The following KATNBL1 variants were observed in gnomAD, a reference collection of about 807,000 sequenced individuals.
The protein encoded by KATNBL1 is katanin regulatory subunit B1 like 1.
A neutral mutation model predicts 44.7 loss-of-function variants in KATNBL1; 28 were observed. The ratio of observed to expected loss-of-function variants is 0.63; its 90% confidence interval spans 0.46 to 0.86. The LOEUF (loss-of-function observed/expected upper bound fraction) is 0.86, where lower values mean the gene tolerates loss of function less well. Among genes scored for constraint, KATNBL1 ranks in the 40% least tolerant of loss-of-function variants. KATNBL1 has a pLI of 0.00. For synonymous variants in KATNBL1, 78 were observed against 114.9 expected (o/e 0.68, Z 2.06); for missense variants, 272 against 350.7 (o/e 0.78, Z 1.79).
At chr15:34,187,525 C>A (rs1889750394) in intron 1 of KATNBL1, among the ~76,000 whole-genome samples, 1 of 152,308 alleles carries the variant, frequency 6.6e-6, no homozygotes, top group South Asian at 2.1e-4. Flanking sequence ...AAAGGTTAAT[C>A]TAATACTATA....
chr15:34,152,689 T>C (rs1300822236), intron 4 of KATNBL1, 101 bp downstream of exon 4: 1 of 932,862 alleles, frequency 1.1e-6, no homozygotes, highest in East Asian at 2.5e-5. Context: ...CTACATTCAA[T>C]AGGTGACAAA....
At chr15:34,207,729 T>G (rs1186506715) in intron 1 of KATNBL1, among the ~76,000 whole-genome samples, 1 of 152,168 alleles carries the variant, frequency 6.6e-6, no homozygotes, top group Non-Finnish European at 1.5e-5. Context: ...GCCTCCCAAG[T>G]AGCTGGGACT....
intron 1 of KATNBL1, among the ~76,000 whole-genome samples, chr15:34,205,532 G>A (rs1387123178): frequency 2.0e-5 from 3 of 152,076 alleles, no homozygotes; most frequent in Non-Finnish European, 2.9e-5. Context: ...GAGTAAGAGG[G>A]GCAGCCAGGG....
chr15:34,142,434 ATT>A, intron 9 of KATNBL1, 63 bp from the exon 10 acceptor site: 5 of 1,460,340 alleles, frequency 3.4e-6, no homozygotes, highest in Admixed American at 4.9e-5. Flanking sequence ...TAAACAATCC[ATT>A]TTTTTTTGTT....
intron 1 of KATNBL1, among the ~76,000 whole-genome samples, chr15:34,200,433 T>G (rs1017757354): frequency 6.8e-6 from 1 of 147,594 alleles, no homozygotes; most frequent in Non-Finnish European, 1.5e-5. Context: ...TTTTTTTTTT[T>G]TGTATTTTTA....
intron 1 of KATNBL1, among the ~76,000 whole-genome samples, chr15:34,164,311 T>A (rs1888899603): frequency 6.6e-6 from 1 of 152,202 alleles, no homozygotes; most frequent in Non-Finnish European, 1.5e-5. Flanking sequence ...AACACACAGG[T>A]TATGAAATAA....
chr15:34,171,510 T>C (rs1004101235), intron 1 of KATNBL1, among the ~76,000 whole-genome samples: 1 of 152,182 alleles, frequency 6.6e-6, no homozygotes, highest in African/African-American at 2.4e-5. Flanking sequence ...GGTTCAACCA[T>C]TGTGGAAGAC....
rs1888379848 is a variant in KATNBL1 at position 34,148,633 on chromosome 15, T to C, written c.556A>G (p.Arg186Gly). 5 of 1,511,072 alleles carry C rather than the reference T, an allele frequency of 3.3e-6. No individual in the cohort carries two copies. The highest frequency in any genetic ancestry group is 3.7e-6 in the Non-Finnish European group (4 of 1,087,540). 93.6% of individuals were successfully genotyped at this position (1,511,072 alleles called of 1,614,324 possible). A position where few individuals can be genotyped will look rare whatever the true frequency, so the allele number is the denominator to read the frequency against. ...AAGAGGATAAAAGGTCACACTTACC[T>C]CAACAAATAAGCTACAAGTTCACTT... Reference protein sequence around the residue: ...SISELVAYLLRIEDLGVVVDC... With the variant: ...SISELVAYLLGIEDLGVVVDC... Residue 186 changes from arginine (R) to glycine (G), a missense_variant and splice_region_variant, in exon 5 of 10, where the codon AGG becomes GGG. Arg to Gly is a moderately radical substitution (Grantham distance 125). Transcript: ENST00000256544.
intron 1 of KATNBL1, among the ~76,000 whole-genome samples, chr15:34,180,300 A>G (rs1214528297): frequency 6.6e-6 from 1 of 151,224 alleles, no homozygotes; most frequent in East Asian, 1.9e-4. Context: ...AATTAAACCT[A>G]TATAGGAGCC....
chr15:34,177,331 T>C (rs1026271980), intron 1 of KATNBL1, among the ~76,000 whole-genome samples: 2 of 152,254 alleles, frequency 1.3e-5, no homozygotes, highest in South Asian at 2.1e-4. Flanking sequence ...TCTACTACAA[T>C]GGCTGCCAAA....
intron 3 of KATNBL1, among the ~76,000 whole-genome samples, chr15:34,154,157 T>C (rs1260638792): frequency 6.6e-6 from 1 of 152,240 alleles, no homozygotes; most frequent in African/African-American, 2.4e-5. Context: ...TGAAAAATTA[T>C]ATTGTACCCT....
chr15:34,173,401 GACAGAT>G (rs1889231025), intron 1 of KATNBL1, among the ~76,000 whole-genome samples: 1 of 152,102 alleles, frequency 6.6e-6, no homozygotes, highest in Non-Finnish European at 1.5e-5. Context: ...ATGTAAAAAT[GACAGAT>G]ACAGAGTAAA....
intron 1 of KATNBL1, among the ~76,000 whole-genome samples, chr15:34,207,337 T>C (rs2141012184): frequency 6.6e-6 from 1 of 152,234 alleles, no homozygotes; most frequent in Non-Finnish European, 1.5e-5. Flanking sequence ...GCCTCCCAAG[T>C]AGCTGGAACT....
chr15:34,148,426 A>T (rs754592037), intron 5 of KATNBL1: 76 of 368,180 alleles, frequency 2.1e-4, no homozygotes, highest in Admixed American at 4.4e-4. Flanking sequence ...CTTCCAAAAA[A>T]TTTTTTTAAA....
At chr15:34,162,790 T>G (rs1025712912) in intron 2 of KATNBL1, among the ~76,000 whole-genome samples, 1 of 151,630 alleles carries the variant, frequency 6.6e-6, no homozygotes, top group Non-Finnish European at 1.5e-5. Context: ...AAAAAAGTTT[T>G]TTTGGTAGAG....
intron 1 of KATNBL1, among the ~76,000 whole-genome samples, chr15:34,191,941 G>C (rs574082487): frequency 7.8e-6 from 1 of 128,104 alleles, no homozygotes; most frequent in Non-Finnish European, 1.6e-5. Context: ...AGCACACAGT[G>C]AGACTCCATC....
At chr15:34,206,094 A>C (rs1205516647) in intron 1 of KATNBL1, among the ~76,000 whole-genome samples, 1 of 152,032 alleles carries the variant, frequency 6.6e-6, no homozygotes, top group Non-Finnish European at 1.5e-5. Flanking sequence ...TTGCCCAAAA[A>C]CCCTTAGTTA....
At chr15:34,161,286 T>C (rs1168787487) in intron 2 of KATNBL1, among the ~76,000 whole-genome samples, 1 of 152,234 alleles carries the variant, frequency 6.6e-6, no homozygotes, top group Admixed American at 6.5e-5. Flanking sequence ...TGTTTCTTCC[T>C]GCGTTGCTGA....
intron 1 of KATNBL1, among the ~76,000 whole-genome samples, chr15:34,191,644 G>C (rs983333462): frequency 7.2e-5 from 11 of 151,902 alleles, no homozygotes; most frequent in African/African-American, 2.4e-4. Context: ...TTGTTGTTGA[G>C]AGTCTTTTAG....
Sources: gnomAD v4.1 joint callset for allele counts (sites outside exome capture counted in the v4.1 genomes callset) on GRCh38, gnomAD v4.1.1 for gene constraint, MANE v1.5 for transcripts, NCBI Gene and HGNC (gene_info 2026-07-23, HGNC 2026-07-21) for gene names.